Variants in TLE1 observed in about 807,000 individuals in gnomAD.
TLE1 encodes the protein transducin-like enhancer protein 1.
In TLE1, 21 loss-of-function variants were observed where a neutral mutation model predicts 89.8. The observed-to-expected ratio is 0.23, with a 90% CI of 0.17 to 0.34. The LOEUF is 0.34. TLE1 is among the 10% of genes least tolerant of loss of function. TLE1 has a pLI of 1.00. For missense variants in TLE1, 795 were observed against 1,031.2 expected, an observed-to-expected ratio of 0.77 and a Z score of 3.14; for synonymous variants, 447 against 407.6, an observed-to-expected ratio of 1.10 and a Z score of -1.16.
Position 81,616,097 on chromosome 9 carries a change from G to A in TLE1, c.803C>T (p.Pro268Leu), listed in dbSNP as rs1326140971. Residue 268 changes from proline to leucine, a missense_variant, in exon 11 of 20, where the codon CCC becomes CTC. Physicochemically the swap from Pro to Leu is moderately conservative, Grantham distance 98 (BLOSUM62 -3). Coordinates refer to ENST00000376499, the MANE Select transcript of TLE1 (RefSeq NM_005077.5). ...ATTTTTGTCGATTCCATTTTCCCGG[G>A]GCGAGTGGGCAGGGCTTGCTCGCGG... is the stretch of plus-strand genomic sequence containing the variant. The part of the protein sequence containing the change: ...SSPRASPAHS[P>L]RENGIDKNRL... 9 of 1,613,918 alleles carry A rather than the reference G, an allele frequency of 5.6e-6. No individual in the cohort carries two copies. The South Asian group carries it at 9.9e-5, about 18-fold the overall frequency.
intron 14 of TLE1, among the ~76,000 whole-genome samples, chr9:81,602,060 G>C (rs943841796): frequency 1.3e-5 from 2 of 152,216 alleles, no homozygotes; most frequent in African/African-American, 4.8e-5. Flanking sequence ...GGAGACCATA[G>C]ATGGGAAGGC....
At position 81,606,357 on chromosome 9, in the gene TLE1, A is replaced by T. The variant is rs1831652496; in HGVS notation, c.1331+3863T>A. Among the ~76,000 whole-genome samples, 4 of 152,356 alleles carry T rather than the reference A, an allele frequency of 2.6e-5. No individual in the cohort carries two copies. The South Asian group carries it at 8.3e-4, about 32-fold the overall frequency. Reference sequence around the variant, plus strand: ...TGTAGCACTATTCAAAACAGCAAAGACTTGGAACCAACCCAAATGTCCATC... The same window carrying T: ...TGTAGCACTATTCAAAACAGCAAAGTCTTGGAACCAACCCAAATGTCCATC... On this transcript the variant is annotated intron_variant, in intron 14 of 19. Transcript: ENST00000376499.
intron 6 of TLE1, among the ~76,000 whole-genome samples, chr9:81,650,244 T>C (rs1829375950): frequency 1.3e-5 from 2 of 152,228 alleles, no homozygotes; most frequent in Admixed American, 1.3e-4. Flanking sequence ...CCTATGAACA[T>C]CTGGTTAATG....
At chr9:81,590,518 G>C (rs1391405075) in intron 16 of TLE1, among the ~76,000 whole-genome samples, 1 of 152,132 alleles carries the variant, frequency 6.6e-6, no homozygotes, top group African/African-American at 2.4e-5. Context: ...GCCACCCCTT[G>C]GCAAAAGCCA....
At chr9:81,643,935 C>CTATG (rs1341492673) in intron 6 of TLE1, among the ~76,000 whole-genome samples, 1 of 152,156 alleles carries the variant, frequency 6.6e-6, no homozygotes, top group African/African-American at 2.4e-5. Context: ...GCCATTAAGG[C>CTATG]TATGACAAGC....
chr9:81,620,712 T>C (rs534365327), intron 8 of TLE1, 155 bp from the exon 9 acceptor site: 2 of 985,296 alleles, frequency 2.0e-6, no homozygotes, highest in African/African-American at 1.7e-5. Flanking sequence ...ATGGCAAACA[T>C]ATCTACAGGT....
In TLE1 at chr9:81,616,628, G is replaced by C; in HGVS notation, c.765+18C>G. Reference sequence around the variant, plus strand: ...TCAAATCATTCTGAAGACAAACTTTGATGAAAAGAATGGTTACCTCATTAG... The same window carrying C: ...TCAAATCATTCTGAAGACAAACTTTCATGAAAAGAATGGTTACCTCATTAG... On this transcript the variant is annotated intron_variant, in intron 10 of 19. Transcript: ENST00000376499. 1.2e-6 allele frequency: 2 copies of C among 1,612,344 alleles called. No homozygotes were observed. The highest frequency in any genetic ancestry group is 1.7e-6 in the Non-Finnish European group (2 of 1,179,070).
chr9:81,645,675 G>A (rs544573599), intron 6 of TLE1, among the ~76,000 whole-genome samples: 1 of 151,592 alleles, frequency 6.6e-6, no homozygotes, highest in South Asian at 2.1e-4. Flanking sequence ...GGGAGGCAGA[G>A]GCTGTGGTGA....
chr9:81,660,342 A>AG (rs1554692990), intron 4 of TLE1, among the ~76,000 whole-genome samples: 3 of 86,888 alleles, frequency 3.5e-5, no homozygotes, highest in Non-Finnish European at 9.0e-5. Context: ...GGCTGTTCAC[A>AG]AAAAAAAAAA....
At chr9:81,663,079 C>A (rs1387370737) in intron 4 of TLE1, among the ~76,000 whole-genome samples, 1 of 152,114 alleles carries the variant, frequency 6.6e-6, no homozygotes, top group Non-Finnish European at 1.5e-5. Flanking sequence ...CTCCTTACCT[C>A]AAATTATCCA....
intron 6 of TLE1, among the ~76,000 whole-genome samples, chr9:81,644,040 G>A (rs1828509230): frequency 6.6e-6 from 1 of 152,178 alleles, no homozygotes; most frequent in South Asian, 2.1e-4. Context: ...ATCAAAAACG[G>A]GAGATGCGGC....
At chr9:81,652,657 T>C (rs1829701299) in intron 5 of TLE1, among the ~76,000 whole-genome samples, 2 of 152,186 alleles carry the variant, frequency 1.3e-5, no homozygotes, top group Non-Finnish European at 2.9e-5. Context: ...TTTTAAAATA[T>C]GCATTTTACA....
rs748984572 is a variant in TLE1 at position 81,682,252 on chromosome 9, C to CAA, written c.234+3422_234+3423dup. 4.7e-3 allele frequency among the ~76,000 whole-genome samples: 453 copies of CAA among 97,356 alleles called. 1 individual carries two copies. The highest frequency in any genetic ancestry group is 8.0e-3 in the African/African-American group (204 of 25,540). 63.9% of individuals were successfully genotyped at this position (97,356 alleles called of 152,430 possible). A position where few individuals can be genotyped will look rare whatever the true frequency, so the allele number is the denominator to read the frequency against. ...TGGGGAACAAAGCGAGATTCCATCT[C>CAA]AAAAAAAAAAAAAAAGCAGCAGCAG... On this transcript the variant is annotated intron_variant, in intron 4 of 19. Transcript: ENST00000376499.
chr9:81,687,732 G>A (rs1344199463), intron 1 of TLE1, among the ~76,000 whole-genome samples: 1 of 152,050 alleles, frequency 6.6e-6, no homozygotes, highest in Admixed American at 6.5e-5. Flanking sequence ...GGAAGACCAG[G>A]CCAGATTGTC....
chr9:81,616,498 T>C (rs1824531873), intron 10 of TLE1, 148 bp downstream of exon 10: 1 of 735,772 alleles, frequency 1.4e-6, no homozygotes, highest in South Asian at 1.8e-5. Context: ...TATTGCTCCA[T>C]ACATGAGCAA....
chr9:81,584,636 C>T (rs1814014717), intron 18 of TLE1, 112 bp from the exon 19 acceptor site: 1 of 927,622 alleles, frequency 1.1e-6, no homozygotes, highest in Non-Finnish European at 1.6e-6. Context: ...AACTATCATG[C>T]CCTAAGGACT....
At chr9:81,662,236 G>A (rs959743521) in intron 4 of TLE1, among the ~76,000 whole-genome samples, 3 of 143,926 alleles carry the variant, frequency 2.1e-5, no homozygotes, top group Admixed American at 6.7e-5. Context: ...AGTTAAATAC[G>A]CTACACACCA....
Position 81,587,415 on chromosome 9 carries a change from C to A in TLE1, c.1977+266G>T, listed in dbSNP as rs552038134. On this transcript the variant is annotated intron_variant, in intron 17 of 19. Transcript: ENST00000376499. ...CTATACATTCTTCAATGTACAAATC[C>A]CTTAAACAAACTCATATGTAAATAT... is the stretch of plus-strand genomic sequence containing the variant. 2.0e-5 allele frequency among the ~76,000 whole-genome samples: 3 copies of A among 152,266 alleles called. No individual in the cohort carries two copies. In the South Asian group the frequency reaches 6.2e-4, roughly 32 times the overall value.
At chr9:81,614,018 C>T (rs551545201) in intron 11 of TLE1, among the ~76,000 whole-genome samples, 3 of 151,776 alleles carry the variant, frequency 2.0e-5, no homozygotes, top group Admixed American at 2.0e-4. Flanking sequence ...CGCCATTCTC[C>T]TGCCTCTGCC....
Sources: allele counts gnomAD v4.1 joint callset (sites outside exome capture counted in the v4.1 genomes callset), GRCh38; gene constraint gnomAD v4.1.1; transcripts MANE v1.5; gene names NCBI Gene and HGNC (gene_info 2026-07-23, HGNC 2026-07-21).